GRIK4: variants seen among roughly 807,000 people sequenced by gnomAD.
GRIK4 encodes glutamate ionotropic receptor kainate type subunit 4, also known as glutamate receptor ionotropic, kainate 4.
GRIK4 carries 40 observed loss-of-function variants against 104.9 expected under a neutral mutation model. The ratio of observed to expected loss-of-function variants is 0.38; its 90% CI spans 0.30 to 0.50. The LOEUF is 0.50. Among genes scored for constraint, GRIK4 ranks in the 20% least tolerant of loss-of-function variants. The pLI, the probability that GRIK4 is intolerant of heterozygous loss-of-function variation, is 0.93. For missense variants in GRIK4, 1,047 were observed against 1,308.1 expected (o/e 0.80, Z 3.08); for synonymous variants, 485 against 524.9 (o/e 0.92, Z 1.04).
chr11:120,755,180 G>A (rs1483582253), intron 3 of GRIK4, among the ~76,000 whole-genome samples: 1 of 152,200 alleles, frequency 6.6e-6, no homozygotes, highest in African/African-American at 2.4e-5. Context: ...GGGTAGAGAG[G>A]TGAACAGAGC....
At chr11:120,745,963 C>A (rs557970288) in intron 3 of GRIK4, among the ~76,000 whole-genome samples, 1 of 152,136 alleles carries the variant, frequency 6.6e-6, no homozygotes, top group Non-Finnish European at 1.5e-5. Flanking sequence ...GCTGTCCAAC[C>A]CAGCATTGTG....
chr11:120,577,321 C>T (rs1948498326), intron 1 of GRIK4, among the ~76,000 whole-genome samples: 1 of 151,700 alleles, frequency 6.6e-6, no homozygotes, highest in Non-Finnish European at 1.5e-5. Flanking sequence ...TGGACTGTGG[C>T]CTGAGAGGGG....
intron 3 of GRIK4, among the ~76,000 whole-genome samples, chr11:120,684,021 C>G (rs748896497): frequency 6.6e-6 from 1 of 152,128 alleles, no homozygotes; most frequent in Non-Finnish European, 1.5e-5. Flanking sequence ...GTTTTTGTTT[C>G]TCTGGGAAGA....
At chr11:120,964,466 T>A (rs1242348015) in intron 18 of GRIK4, among the ~76,000 whole-genome samples, 1 of 152,224 alleles carries the variant, frequency 6.6e-6, no homozygotes, top group Non-Finnish European at 1.5e-5. Context: ...TTATATGTCA[T>A]TGGTGTCCAC....
At chr11:120,926,518 A>C (rs574157892) in intron 13 of GRIK4, among the ~76,000 whole-genome samples, 1 of 152,318 alleles carries the variant, frequency 6.6e-6, no homozygotes, top group East Asian at 1.9e-4. Context: ...GAGGAAACTG[A>C]GGTACAAAGA....
At position 120,747,365 on chromosome 11, in the gene GRIK4, C is replaced by T. The variant is rs568646906; in HGVS notation, c.83-55328C>T. 4.6e-5 allele frequency among the ~76,000 whole-genome samples: 7 copies of T among 152,296 alleles called. No individual in the cohort carries two copies. In the South Asian group the frequency reaches 1.5e-3, roughly 32 times the overall value. On this transcript the variant is annotated intron_variant, in intron 3 of 20. Transcript: ENST00000527524. ...CAGTTCTGAGCCAGACCTGCGCATCCCCAGCCTGTCTTGACTTGCCCCAGT... is the reference window on the plus strand; with the variant it reads ...CAGTTCTGAGCCAGACCTGCGCATCTCCAGCCTGTCTTGACTTGCCCCAGT...
At chr11:120,558,312 G>T (rs1010555136) in intron 1 of GRIK4, among the ~76,000 whole-genome samples, 6 of 152,188 alleles carry the variant, frequency 3.9e-5, no homozygotes, top group Admixed American at 1.3e-4. Flanking sequence ...CTCAGGCTGT[G>T]CACGGTGGCT....
chr11:120,710,260 C>T (rs17124222), intron 3 of GRIK4, among the ~76,000 whole-genome samples: 2 of 152,124 alleles, frequency 1.3e-5, no homozygotes, highest in African/African-American at 4.8e-5. Context: ...TTTCTGGGAC[C>T]TGTTCCATTT....
chr11:120,836,027 C>T lies in GRIK4; in HGVS notation c.691-764C>T, dbSNP rs146858800. ...GAGTCACTTGTTTCCGACGTCACTG[C>T]AGATTCAAGAATACCCTTATGACTC... On this transcript the variant is annotated intron_variant, in intron 7 of 20. Coordinates refer to ENST00000527524, the MANE Select transcript of GRIK4 (RefSeq NM_014619.5). Among the ~76,000 whole-genome samples the T allele has an allele frequency of 7.3e-3, 1,114 of 152,296 alleles. 12 individuals carry two copies. The highest frequency in any genetic ancestry group is 0.031 in the Middle Eastern group (9 of 294).
At chr11:120,573,841 A>G (rs1948437765) in intron 1 of GRIK4, among the ~76,000 whole-genome samples, 1 of 152,178 alleles carries the variant, frequency 6.6e-6, no homozygotes, top group Non-Finnish European at 1.5e-5. Flanking sequence ...GCCTGGGCTT[A>G]CAGCCAAGCC....
chr11:120,655,148 C>G (rs1407138538), intron 2 of GRIK4, among the ~76,000 whole-genome samples: 1 of 151,856 alleles, frequency 6.6e-6, no homozygotes, highest in African/African-American at 2.4e-5. Flanking sequence ...CAGACAGCAT[C>G]GTTGTCATAG....
At chr11:120,658,822 C>G (rs757798222) in intron 2 of GRIK4, among the ~76,000 whole-genome samples, 1 of 141,310 alleles carries the variant, frequency 7.1e-6, no homozygotes, top group South Asian at 2.4e-4. Context: ...GATCTCGGCT[C>G]ACTGCAAGCT....
At chr11:120,676,870 T>A (rs1375520437) in intron 3 of GRIK4, among the ~76,000 whole-genome samples, 1 of 152,190 alleles carries the variant, frequency 6.6e-6, no homozygotes. Flanking sequence ...TGGGGGCCAT[T>A]ATTCTTTCTA....
At chr11:120,674,679 C>T (rs1487540250) in intron 3 of GRIK4, among the ~76,000 whole-genome samples, 2 of 152,218 alleles carry the variant, frequency 1.3e-5, no homozygotes, top group Non-Finnish European at 2.9e-5. Context: ...TATAAATTTC[C>T]CTTAGCGGCA....
At position 120,952,724 on chromosome 11, in the gene GRIK4, C is replaced by A; in HGVS notation, c.1591-131C>A. The A allele has an allele frequency of 1.4e-6, 1 of 725,880 alleles. No homozygotes were observed. The highest frequency in any genetic ancestry group is 1.5e-5 in the South Asian group (1 of 68,098). The allele number at this position is 725,880 out of a possible 1,614,324, so 45.0% of individuals were successfully genotyped here. On this transcript the variant is annotated intron_variant, in intron 14 of 20. Transcript: ENST00000527524. This position sits in a 1 kb window ranked among gnomAD's most constrained non-coding sequence, Gnocchi z 5.2. ...CATTCCCAGTGTCATTTAAACCAAT[C>A]ACCCAGAACCCACAGAAATGGGAAC...
chr11:120,906,251 G>A (rs1345168513), intron 13 of GRIK4, among the ~76,000 whole-genome samples: 2 of 152,192 alleles, frequency 1.3e-5, no homozygotes, highest in African/African-American at 2.4e-5. Context: ...TTCCATAACT[G>A]AGTTTTAATG....
intron 7 of GRIK4, among the ~76,000 whole-genome samples, chr11:120,835,702 A>C (rs1050238902): frequency 1.3e-5 from 2 of 152,184 alleles, no homozygotes; most frequent in African/African-American, 4.8e-5. Context: ...AGAATACATT[A>C]TGAAAATCTA....
rs117844865 is a variant in GRIK4, at chr11:120,761,403, G to A, written c.83-41290G>A. 3.5e-3 allele frequency among the ~76,000 whole-genome samples: 536 copies of A among 152,276 alleles called. 11 individuals are homozygous for A. The East Asian group carries it at 0.063, about 18-fold the overall frequency. On this transcript the variant is annotated intron_variant, in intron 3 of 20. Transcript: ENST00000527524. ...TTTTCTCCCATTTTACAGGTTCCCT[G>A]TTCACTCTGATGATAGTTTGTTTTG...
chr11:120,737,417 C>T (rs546102216), intron 3 of GRIK4, among the ~76,000 whole-genome samples: 1 of 152,260 alleles, frequency 6.6e-6, no homozygotes, highest in South Asian at 2.1e-4. Flanking sequence ...AAGTGCATAG[C>T]TTTGGCTAAA....
Sources: allele counts gnomAD v4.1 joint callset (sites outside exome capture counted in the v4.1 genomes callset), GRCh38; gene constraint gnomAD v4.1.1; non-coding constraint Gnocchi (gnomAD v3.1); transcripts MANE v1.5; gene names NCBI Gene and HGNC (gene_info 2026-07-23, HGNC 2026-07-21).